Variants in GPHN observed in about 807,000 individuals in gnomAD.
GPHN encodes the protein gephyrin.
A neutral mutation model predicts 95.5 loss-of-function variants in GPHN; 17 were observed. That is an observed-to-expected ratio of 0.18 (90% CI 0.12 to 0.27). The LOEUF is 0.27. Among genes scored for constraint, GPHN ranks in the 10% least tolerant of loss-of-function variants. The pLI is 1.00. For missense variants in GPHN, 660 were observed against 978.1 expected, an observed-to-expected ratio of 0.67 and a Z score of 4.34; for synonymous variants, 320 against 322.5, an observed-to-expected ratio of 0.99 and a Z score of 0.08.
At chr14:67,353,577 T>G in the GPHN span, 1 of 152,258 alleles carries the variant, frequency 6.6e-6, no homozygotes. Context: ...AACCTCCACC[T>G]CCCAGGTTCA....
intron 1 of GPHN, among the ~76,000 whole-genome samples, chr14:66,652,761 G>A (rs1355200643): frequency 6.6e-6 from 1 of 152,124 alleles, no homozygotes; most frequent in Non-Finnish European, 1.5e-5. Context: ...GGTTGGCAGA[G>A]AGAGAAGCAT....
At chr14:67,101,973 G>A (rs1267076192) in intron 13 of GPHN, among the ~76,000 whole-genome samples, 7 of 152,080 alleles carry the variant, frequency 4.6e-5, no homozygotes, top group Non-Finnish European at 7.4e-5. Flanking sequence ...CCGGGCTCAC[G>A]CCATTCTCCT....
chr14:67,245,229 A>G, the GPHN span, among the ~76,000 whole-genome samples: 1 of 152,238 alleles, frequency 6.6e-6, no homozygotes, highest in African/African-American at 2.4e-5. Context: ...ATACATTGTC[A>G]GGCTGGGTTT....
chr14:67,316,344 CAAAAG>C, the GPHN span, among the ~76,000 whole-genome samples: 1 of 152,130 alleles, frequency 6.6e-6, no homozygotes, highest in South Asian at 2.1e-4. Flanking sequence ...TATACATACA[CAAAAG>C]AAGAGGAATT....
chr14:66,783,720 C>A (rs964309962), intron 3 of GPHN, among the ~76,000 whole-genome samples: 7 of 152,166 alleles, frequency 4.6e-5, no homozygotes, highest in Admixed American at 6.5e-5. Flanking sequence ...AACAGTGGAG[C>A]AAGGTAATGT....
At chr14:67,168,050 T>A (rs968483994) in intron 20 of GPHN, among the ~76,000 whole-genome samples, 2 of 152,200 alleles carry the variant, frequency 1.3e-5, no homozygotes, top group African/African-American at 4.8e-5. Flanking sequence ...CTGCTCAGGC[T>A]GCCATGACAG....
intron 9 of GPHN, among the ~76,000 whole-genome samples, chr14:66,997,141 G>A (rs143521777): frequency 1.1e-4 from 16 of 152,140 alleles, no homozygotes; most frequent in African/African-American, 3.4e-4. Flanking sequence ...CGAGATGGGT[G>A]GATCACTTGA....
the GPHN span, among the ~76,000 whole-genome samples, chr14:67,362,678 A>G: frequency 6.6e-6 from 1 of 152,178 alleles, no homozygotes; most frequent in Non-Finnish European, 1.5e-5. Context: ...TAAAATAAGA[A>G]TGCTGTGAAA....
intron 5 of GPHN, among the ~76,000 whole-genome samples, chr14:66,881,690 G>A (rs964753677): frequency 6.6e-6 from 1 of 151,754 alleles, no homozygotes; most frequent in African/African-American, 2.4e-5. Context: ...ATCACTTTTT[G>A]TTATATCAAA....
chr14:67,091,033 A>T (rs958068676), intron 12 of GPHN, among the ~76,000 whole-genome samples: 2 of 151,868 alleles, frequency 1.3e-5, no homozygotes, highest in Non-Finnish European at 2.9e-5. Context: ...CATTATTATC[A>T]TATTATAAAT....
the GPHN span, chr14:67,651,377 A>G: frequency 6.2e-7 from 1 of 1,613,378 alleles, no homozygotes; most frequent in Non-Finnish European, 8.5e-7. Flanking sequence ...ACCCTTCCCT[A>G]TAGAAGTTCA....
chr14:67,624,698 A>G, the GPHN span, among the ~76,000 whole-genome samples: 1 of 152,226 alleles, frequency 6.6e-6, no homozygotes, highest in African/African-American at 2.4e-5. Context: ...TGGGGATTAA[A>G]ATTCAACATG....
At chr14:66,574,595 G>A (rs567082196) in intron 1 of GPHN, among the ~76,000 whole-genome samples, 75 of 152,236 alleles carry the variant, frequency 4.9e-4, no homozygotes, top group Non-Finnish European at 8.4e-4. Context: ...GATAATTTTA[G>A]GTGTCTTATT....
chr14:67,642,247 C>T, the GPHN span: 1 of 1,590,902 alleles, frequency 6.3e-7, no homozygotes, highest in Non-Finnish European at 8.6e-7. Context: ...ATGATCTCTA[C>T]AACAACCTGA....
intron 5 of GPHN, among the ~76,000 whole-genome samples, chr14:66,882,943 T>C (rs1012352307): frequency 2.0e-5 from 3 of 151,810 alleles, no homozygotes; most frequent in African/African-American, 7.2e-5. Context: ...TTCAAATTGC[T>C]GTTTCCTTAT....
chr14:67,299,726 G>A, the GPHN span, among the ~76,000 whole-genome samples: 4 of 152,144 alleles, frequency 2.6e-5, no homozygotes, highest in East Asian at 1.9e-4. Context: ...GGGTAAACAC[G>A]GGAGTTCTAA....
At chr14:67,666,138 G>C in the GPHN span, among the ~76,000 whole-genome samples, 1 of 152,230 alleles carries the variant, frequency 6.6e-6, no homozygotes. Context: ...AAGCCAGACA[G>C]TAAGAAGCAG....
At chr14:67,170,468 G>A (rs2082537763) in intron 21 of GPHN, among the ~76,000 whole-genome samples, 1 of 152,184 alleles carries the variant, frequency 6.6e-6, no homozygotes. Flanking sequence ...ATAAGAGAGA[G>A]AGAAAGAAGG....
At chr14:67,724,791 C>G in the GPHN span, among the ~76,000 whole-genome samples, 1 of 152,176 alleles carries the variant, frequency 6.6e-6, no homozygotes, top group Non-Finnish European at 1.5e-5. Context: ...TATTCCCTCT[C>G]TATTAAATAA....
Sources: gnomAD v4.1 joint callset for allele counts (sites outside exome capture counted in the v4.1 genomes callset) on GRCh38, gnomAD v4.1.1 for gene constraint, MANE v1.5 for transcripts, NCBI Gene and HGNC (gene_info 2026-07-23, HGNC 2026-07-21) for gene names.